Variants in GCDH observed in about 807,000 individuals in gnomAD.
GCDH encodes the protein glutaryl-CoA dehydrogenase, mitochondrial.
GCDH carries 31 observed loss-of-function variants against 52.8 expected under a neutral mutation model. The ratio of observed to expected loss-of-function variants is 0.59; its 90% confidence interval spans 0.44 to 0.79. GCDH has a LOEUF of 0.79. GCDH is among the 30% of genes least tolerant of loss of function. The probability of loss-of-function intolerance (pLI) is 0.00; values close to 1 mark genes in which losing one functional copy is unlikely to be tolerated. For synonymous variants in GCDH, 242 were observed against 250.0 expected (o/e 0.97, Z 0.30); for missense variants, 509 against 595.0 (o/e 0.86, Z 1.50).
In GCDH at chr19:12,894,481, A is replaced by AT. The variant is rs1041172124; in HGVS notation, c.505+828_505+829insT. The AT allele has an allele frequency of 7.4e-5, 54 of 728,580 alleles. No homozygotes were observed. The African/African-American group carries it at 9.3e-4, about 13-fold the overall frequency. 45.1% of individuals were successfully genotyped at this position (728,580 alleles called of 1,614,324 possible). ...TCTCAACTTGGTTATTGTAAAAAAA[A>AT]GGAGAGAAGGGTATTCCTGGACTGA... On this transcript the variant is annotated intron_variant, in intron 6 of 11. Coordinates refer to ENST00000222214, the MANE Select transcript of GCDH (RefSeq NM_000159.4).
rs1345636630 is a variant in GCDH, at chr19:12,896,056, C to T, written c.570C>T (p.Ser190=). ...TEPNSGSDPS[S]METRAHYNSS... is the part of the protein sequence containing the mutation. ...CCAACAGCGGAAGTGACCCCAGCAG[C>T]ATGGAGACCAGAGCCCACTACAACT... The change falls in exon 7 of 12, where the codon AGC becomes AGT. Residue 190 remains serine (S), a synonymous_variant. Transcript: ENST00000222214. The surrounding 1 kb of genome is among the most constrained non-coding windows in gnomAD (Gnocchi z 5.5). 7.4e-6 allele frequency: 12 copies of T among 1,614,046 alleles called. No homozygotes were observed. The highest frequency in any genetic ancestry group is 1.0e-5 in the Non-Finnish European group (12 of 1,179,970).
chr19:12,895,214 G>A (rs574345012), intron 6 of GCDH, among the ~76,000 whole-genome samples: 145 of 152,062 alleles, frequency 9.5e-4, no homozygotes, highest in Non-Finnish European at 1.8e-3. Context: ...TGAAAGCAGG[G>A]CCAGATCTAA....
rs1246987923 is a variant in GCDH at position 12,896,397 on chromosome 19, G to GCTCC, written c.831_834dup (p.Gly279ProfsTer65). On this transcript the variant is annotated frameshift_variant, in exon 8 of 12. Transcript: ENST00000222214. LOFTEE classifies it high-confidence loss of function. The surrounding 1 kb of genome is among the most constrained non-coding windows in gnomAD (Gnocchi z 5.5). ...GTGTGGAGGTGCCAGAGGAGAATGT[G>GCTCC]CTCCCTGGTGCATCCAGCCTGGGGG... 1.2e-6 allele frequency: 2 copies of GCTCC among 1,613,724 alleles called. No homozygotes were observed. Among genetic ancestry groups the GCTCC allele is most frequent in the Admixed American group, 3.3e-5 (2 of 59,980 alleles).
At chr19:12,893,748 A>G (rs1970613155) in intron 6 of GCDH, 95 bp downstream of exon 6, 16 of 1,186,554 alleles carry the variant, frequency 1.3e-5, no homozygotes, top group East Asian at 2.3e-5. Flanking sequence ...TTCTGTCCCT[A>G]TCTCAAAGAT....
chr19:12,899,905 GTAGTGCC>G lies in GCDH; in HGVS notation c.*366_*372del. On this transcript the variant is annotated 3_prime_UTR_variant, in exon 12 of 12. Transcript: ENST00000222214. ...CGCCCTCCCTCCCTCCCATCTGGGG[GTAGTGCC>G]TTATGCTGGGTGTTGGAGCAGAGTG... 6.2e-7 allele frequency: 1 copy of G among 1,606,652 alleles called. No individual in the cohort carries two copies. Among genetic ancestry groups the G allele is most frequent in the East Asian group, 2.2e-5 (1 of 44,746 alleles).
Position 12,893,574 on chromosome 19 carries a change from T to C in GCDH, c.426T>C (p.Ser142=), listed in dbSNP as rs1468448494. 1.2e-6 allele frequency: 2 copies of C among 1,613,540 alleles called. No individual in the cohort carries two copies. The highest frequency in any genetic ancestry group is 1.7e-6 in the Non-Finnish European group (2 of 1,179,734). The change falls in exon 6 of 12, where the codon AGT becomes AGC. Residue 142 remains serine, a synonymous_variant. Coordinates refer to ENST00000222214, the MANE Select transcript of GCDH (RefSeq NM_000159.4). ...ACAGTGGCTACAGGTCGGCGATGAG[T>C]GTCCAGTCCTCCCTCGTCATGCACC... ...RVDSGYRSAM[S]VQSSLVMHPI... is the part of the protein sequence containing the mutation.
At position 12,892,048 on chromosome 19, in the gene GCDH, T is replaced by C. The variant is rs376121682; in HGVS notation, c.272-68T>C. ...TAGCCACCCCACCTCAAGGCCCCTCTGTCCTTGGGGCTGGGGCTTCCTGTG... is the reference window on the plus strand; with the variant it reads ...TAGCCACCCCACCTCAAGGCCCCTCCGTCCTTGGGGCTGGGGCTTCCTGTG... On this transcript the variant is annotated intron_variant, in intron 4 of 11. Coordinates refer to ENST00000222214, the MANE Select transcript of GCDH (RefSeq NM_000159.4). The C allele has an allele frequency of 5.0e-6, 8 of 1,610,736 alleles. No homozygotes were observed. The African/African-American group carries it at 1.1e-4, about 21-fold the overall frequency.
intron 11 of GCDH, 199 bp downstream of exon 11, chr19:12,898,062 C>T (rs1599619665): frequency 1.6e-6 from 1 of 607,792 alleles, no homozygotes; most frequent in Middle Eastern, 4.4e-4. Flanking sequence ...TCATGCAGCA[C>T]ACAGAGGCCC....
chr19:12,891,749 TG>T (rs1970561844), intron 3 of GCDH, 81 bp from the exon 4 acceptor site: 20 of 1,605,044 alleles, frequency 1.2e-5, no homozygotes, highest in Non-Finnish European at 1.5e-5. Flanking sequence ...ACATGGGTGT[TG>T]GGGGGTAGGG....
At chr19:12,898,075 T>A (rs1307493646) in intron 11 of GCDH, 4 of 588,926 alleles carry the variant, frequency 6.8e-6, no homozygotes, top group Non-Finnish European at 1.2e-5. Flanking sequence ...AGAGGCCCCA[T>A]CAGGCCTTGC....
Position 12,891,258 on chromosome 19 carries a change from C to T in GCDH, c.-34-13C>T, listed in dbSNP as rs1202535875. The stretch of plus-strand genomic sequence containing the variant: ...GTGAGAGGAGCTCCGCTCTGACACC[C>T]CCGCTCCTGTAGGTCGCCGTCGTTG... On this transcript the variant is annotated splice_polypyrimidine_tract_variant and intron_variant, in intron 1 of 11. Coordinates refer to ENST00000222214, the MANE Select transcript of GCDH (RefSeq NM_000159.4). The T allele has an allele frequency of 2.6e-6, 4 of 1,514,446 alleles. No homozygotes were observed. Among genetic ancestry groups the T allele is most frequent in the Non-Finnish European group, 2.7e-6 (3 of 1,106,898 alleles). 93.8% of individuals were successfully genotyped at this position (1,514,446 alleles called of 1,614,324 possible).
chr19:12,892,017 G>A (rs774814203), intron 4 of GCDH, 43 bp downstream of exon 4: 14 of 1,614,142 alleles, frequency 8.7e-6, no homozygotes, highest in Non-Finnish European at 1.1e-5. Context: ...CCTCCGCCTG[G>A]AGCCATAGCC....
chr19:12,891,710 C>G, intron 3 of GCDH, 121 bp from the exon 4 acceptor site: 1 of 1,605,554 alleles, frequency 6.2e-7, no homozygotes, highest in Non-Finnish European at 8.5e-7. Context: ...TGATCAGTCT[C>G]GCTTGCAGCT....
Position 12,896,402 on chromosome 19 carries a change from C to G in GCDH, c.833C>G (p.Pro278Arg), listed in dbSNP as rs755054282. ...GVEVPEENVLPGASSLGGPFG... is the reference protein window; with the variant it reads ...GVEVPEENVLRGASSLGGPFG... ...GAGGTGCCAGAGGAGAATGTGCTCC[C>G]TGGTGCATCCAGCCTGGGGGTAAGT... The change falls in exon 8 of 12, where the codon CCT (proline) becomes CGT (arginine). Residue 278 changes from proline to arginine, a missense_variant. Coordinates refer to ENST00000222214, the MANE Select transcript of GCDH (RefSeq NM_000159.4). This position sits in a 1 kb window ranked among gnomAD's most constrained non-coding sequence, Gnocchi z 5.5. The G allele has an allele frequency of 6.2e-7, 1 of 1,613,484 alleles. No individual in the cohort carries two copies. The highest frequency in any genetic ancestry group is 1.3e-5 in the African/African-American group (1 of 74,898).
At chr19:12,897,153 C>T in intron 9 of GCDH, 140 bp downstream of exon 9, 3 of 1,214,666 alleles carry the variant, frequency 2.5e-6, no homozygotes, top group Non-Finnish European at 3.5e-6. Context: ...TCCTTCTGAG[C>T]AGCTGTGGGC....
At chr19:12,893,352 T>C in intron 5 of GCDH, 131 bp from the exon 6 acceptor site, 1 of 760,794 alleles carries the variant, frequency 1.3e-6, no homozygotes, top group South Asian at 1.5e-5. Context: ...GGAGATGAAA[T>C]GAATAAACCT....
intron 3 of GCDH, 146 bp from the exon 4 acceptor site, chr19:12,891,685 C>T (rs746944518): frequency 2.5e-6 from 4 of 1,603,166 alleles, no homozygotes; most frequent in African/African-American, 1.3e-5. Flanking sequence ...CCTGCGGGGC[C>T]GGAGAAAAGT....
chr19:12,894,558 G>A (rs1187192714), intron 6 of GCDH: 11 of 655,842 alleles, frequency 1.7e-5, no homozygotes, highest in African/African-American at 7.3e-5. Context: ...AGCAGAATCC[G>A]TAAACTTTTC....
chr19:12,895,873 G>A lies in GCDH; in HGVS notation c.506-119G>A, dbSNP rs12151303. The A allele has an allele frequency of 0.37, 456,514 of 1,230,468 alleles. 88,886 individuals are homozygous for A. The highest frequency in any genetic ancestry group is 0.46 in the African/African-American group (31,033 of 67,486). The allele number at this position is 1,230,468 out of a possible 1,614,324, so 76.2% of individuals were successfully genotyped here. A position where few individuals can be genotyped will look rare whatever the true frequency, so the allele number is the denominator to read the frequency against. ...GACCTCAATTGATCCACCTGCCTTGGCCTCCTAAAGTGCTGGGATGACAGG... is the reference window on the plus strand; with the variant it reads ...GACCTCAATTGATCCACCTGCCTTGACCTCCTAAAGTGCTGGGATGACAGG... On this transcript the variant is annotated intron_variant, in intron 6 of 11. Transcript: ENST00000222214.
Sources: gnomAD v4.1 joint callset for allele counts (sites outside exome capture counted in the v4.1 genomes callset) on GRCh38, gnomAD v4.1.1 for gene constraint, Gnocchi (gnomAD v3.1) non-coding constraint, MANE v1.5 for transcripts, NCBI Gene and HGNC (gene_info 2026-07-23, HGNC 2026-07-21) for gene names.